RAE1: variants seen among roughly 807,000 people sequenced by gnomAD.
RAE1 encodes the protein mRNA export factor RAE1.
RAE1 carries 13 observed loss-of-function variants against 52.7 expected under a neutral mutation model. That is an observed-to-expected ratio of 0.25 (90% confidence interval 0.16 to 0.39). The LOEUF (loss-of-function observed/expected upper bound fraction) is 0.39, where lower values mean the gene tolerates loss of function less well. Ranked by LOEUF, RAE1 falls within the 10% of genes least tolerant of loss-of-function variation. The pLI, the probability that RAE1 is intolerant of heterozygous loss-of-function variation, is 1.00. For synonymous variants in RAE1, 164 were observed against 153.1 expected (o/e 1.07, Z -0.52); for missense variants, 262 against 459.8 (o/e 0.57, Z 3.93).
At chr20:57,374,505 C>A in intron 10 of RAE1, 102 bp from the exon 11 acceptor site, 1 of 1,058,248 alleles carries the variant, frequency 9.4e-7, no homozygotes, top group Non-Finnish European at 1.4e-6. Flanking sequence ...AGGAAATGTA[C>A]CTGTGCGCTT....
At position 57,358,656 on chromosome 20, in the gene RAE1, C is replaced by T. The variant is rs192052169; in HGVS notation, c.288+2118C>T. The stretch of plus-strand genomic sequence containing the variant: ...CATTGAACAAACAAACTCTTAATAG[C>T]GGCTACACCATTAGGATGTCCTGAT... On this transcript the variant is annotated intron_variant, in intron 4 of 11. Transcript: ENST00000395841. The T allele has an allele frequency of 5.7e-5, 12 of 211,472 alleles. No homozygotes were observed. The East Asian group carries it at 9.3e-4, about 16-fold the overall frequency. The allele number at this position is 211,472 out of a possible 1,614,324, so 13.1% of individuals were successfully genotyped here.
intron 4 of RAE1, chr20:57,358,904 G>A (rs776086157): frequency 7.7e-6 from 10 of 1,306,488 alleles, no homozygotes; most frequent in Non-Finnish European, 9.9e-6. Flanking sequence ...CTGTAGGCTT[G>A]TTGGAGTTTT....
chr20:57,357,033 G>A (rs1034982346), intron 4 of RAE1, among the ~76,000 whole-genome samples: 1 of 152,218 alleles, frequency 6.6e-6, no homozygotes, highest in African/African-American at 2.4e-5. Flanking sequence ...AATGTTAAGG[G>A]GCCTGGTGAC....
chr20:57,368,474 A>G (rs2066989068), intron 7 of RAE1, among the ~76,000 whole-genome samples: 1 of 152,210 alleles, frequency 6.6e-6, no homozygotes, highest in Admixed American at 6.5e-5. Context: ...GTTCCTGAGT[A>G]TATTTTCTAA....
rs780782549 is a variant in RAE1 at position 57,367,130 on chromosome 20, A to G, written c.534+51A>G. The G allele has an allele frequency of 8.3e-6, 12 of 1,439,270 alleles. No homozygotes were observed. The African/African-American group carries it at 1.6e-4, about 19-fold the overall frequency. The allele number at this position is 1,439,270 out of a possible 1,614,324, so 89.2% of individuals were successfully genotyped here. ...TTTACTTTAAAAAAAAAACAAAATAAGTATTCTCACCTTGTGGCGTCCTGC... is the reference window on the plus strand; with the variant it reads ...TTTACTTTAAAAAAAAAACAAAATAGGTATTCTCACCTTGTGGCGTCCTGC... On this transcript the variant is annotated intron_variant, in intron 7 of 11. Coordinates refer to ENST00000395841, the MANE Select transcript of RAE1 (RefSeq NM_003610.4).
rs2066753272 is a variant in RAE1, at chr20:57,354,294, A to G, written c.90+166A>G. 2.6e-5 allele frequency among the ~76,000 whole-genome samples: 4 copies of G among 152,344 alleles called. No homozygotes were observed. In the South Asian group the frequency reaches 8.3e-4, roughly 32 times the overall value. ...TGGAGCACAGAAAATGTGTCCCCGT[A>G]CTTGTGTCCTGTTCTTCCTGGCCTG... On this transcript the variant is annotated intron_variant, in intron 2 of 11. Coordinates refer to ENST00000395841, the MANE Select transcript of RAE1 (RefSeq NM_003610.4).
intron 5 of RAE1, among the ~76,000 whole-genome samples, 164 bp downstream of exon 5, chr20:57,365,606 AT>A (rs1170156844): frequency 6.6e-6 from 1 of 152,204 alleles, no homozygotes; most frequent in East Asian, 1.9e-4. Flanking sequence ...AAAAATAACA[AT>A]TTTATAACCA....
chr20:57,365,527 A>C, intron 5 of RAE1, 85 bp downstream of exon 5: 1 of 968,932 alleles, frequency 1.0e-6, no homozygotes, highest in Admixed American at 2.7e-5. Flanking sequence ...TATTATAATT[A>C]TAATAAGAAA....
chr20:57,359,555 GTC>G (rs1208734365), intron 4 of RAE1: 1 of 152,212 alleles, frequency 6.6e-6, no homozygotes, highest in African/African-American at 2.4e-5. Context: ...AGAGCTGTCT[GTC>G]TCTCTAGACT....
intron 4 of RAE1, among the ~76,000 whole-genome samples, chr20:57,363,341 G>A (rs1464332089): frequency 1.3e-5 from 2 of 151,982 alleles, no homozygotes; most frequent in African/African-American, 2.4e-5. Context: ...AAGGAGACCC[G>A]GTCTCTACAA....
At position 57,356,225 on chromosome 20, in the gene RAE1, A is replaced by G. The variant is rs868304425; in HGVS notation, c.196-221A>G. 4.6e-5 allele frequency among the ~76,000 whole-genome samples: 7 copies of G among 152,210 alleles called. No homozygotes were observed. In the East Asian group the frequency reaches 9.6e-4, roughly 21 times the overall value. ...AGATGCATTGAGAAAATTATCTGCA[A>G]TTTTATGTGTAAGCAATAGAATTTG... On this transcript the variant is annotated intron_variant, in intron 3 of 11. Transcript: ENST00000395841.
rs75084508 is a variant in RAE1, at chr20:57,367,190, C to T, written c.534+111C>T. On this transcript the variant is annotated intron_variant, in intron 7 of 11. Transcript: ENST00000395841. ...GTGGATAATATAAAAATCCTGCTAG[C>T]TTTAGTAATAGATATAAAGGATCGA... is the stretch of plus-strand genomic sequence containing the variant. The T allele has an allele frequency of 3.1e-4, 293 of 943,530 alleles. 1 individual carries two copies. The African/African-American group carries it at 4.3e-3, about 14-fold the overall frequency. The allele number at this position is 943,530 out of a possible 1,614,324, so 58.4% of individuals were successfully genotyped here. A position where few individuals can be genotyped will look rare whatever the true frequency, so the allele number is the denominator to read the frequency against.
At chr20:57,369,400 C>T (rs1220633881) in intron 8 of RAE1, among the ~76,000 whole-genome samples, 1 of 152,196 alleles carries the variant, frequency 6.6e-6, no homozygotes, top group Non-Finnish European at 1.5e-5. Flanking sequence ...AGACCTTTAA[C>T]GGCATCAGAC....
chr20:57,351,996 C>G, intron 1 of RAE1: 2 of 984,242 alleles, frequency 2.0e-6, no homozygotes, highest in Non-Finnish European at 2.4e-6. Context: ...GGGAAGAATC[C>G]AGGCAAGTGG....
At chr20:57,351,461 G>C (rs2066707285) in intron 1 of RAE1, 39 bp downstream of exon 1, 1 of 985,466 alleles carries the variant, frequency 1.0e-6, no homozygotes, top group East Asian at 1.1e-4. Flanking sequence ...GTTAACCGCC[G>C]CCATGGCTCC....
At chr20:57,374,391 T>C (rs895785142) in intron 10 of RAE1, among the ~76,000 whole-genome samples, 16 of 152,172 alleles carry the variant, frequency 1.1e-4, no homozygotes, top group African/African-American at 3.9e-4. Flanking sequence ...ATGCTCACTT[T>C]CTCTGGTGTG....
chr20:57,367,754 AAAAGG>A (rs1284084184), intron 7 of RAE1, among the ~76,000 whole-genome samples: 4 of 152,036 alleles, frequency 2.6e-5, no homozygotes, highest in African/African-American at 7.2e-5. Context: ...AAAAAAAAAA[AAAAGG>A]AAAGAAAAAG....
chr20:57,356,250 GTTTAT>G (rs1179692559), intron 3 of RAE1, among the ~76,000 whole-genome samples, 191 bp from the exon 4 acceptor site: 3 of 152,296 alleles, frequency 2.0e-5, no homozygotes, highest in East Asian at 1.9e-4. Context: ...AATAGAATTT[GTTTAT>G]TTTAATAGCT....
chr20:57,365,697 T>C (rs6099585), intron 5 of RAE1, among the ~76,000 whole-genome samples: 6,080 of 152,254 alleles, frequency 0.04, 182 homozygotes, highest in African/African-American at 0.089. Flanking sequence ...AAGGAGTTAG[T>C]GACATTAAAA....
Sources: gnomAD v4.1 joint callset for allele counts (sites outside exome capture counted in the v4.1 genomes callset) on GRCh38, gnomAD v4.1.1 for gene constraint, MANE v1.5 for transcripts, NCBI Gene and HGNC (gene_info 2026-07-23, HGNC 2026-07-21) for gene names.